Variants in PTPRD observed in about 807,000 individuals in gnomAD.
The protein encoded by PTPRD is receptor-type tyrosine-protein phosphatase delta.
In PTPRD, 34 loss-of-function variants were observed where a neutral mutation model predicts 214.5. The observed-to-expected ratio is 0.16, with a 90% CI of 0.12 to 0.21. The LOEUF is 0.21. Ranked by LOEUF, PTPRD falls within the 10% of genes least tolerant of loss-of-function variation. The probability of loss-of-function intolerance (pLI) is 1.00; values close to 1 mark genes in which losing one functional copy is unlikely to be tolerated. For missense variants in PTPRD, 2,545 were observed against 2,398.7 expected (o/e 1.06, Z -1.27); for synonymous variants, 1,128 against 845.7 (o/e 1.33, Z -5.79).
At chr9:10,338,227 G>C (rs2096877189) in intron 3 of PTPRD, among the ~76,000 whole-genome samples, 1 of 151,592 alleles carries the variant, frequency 6.6e-6, no homozygotes, top group Admixed American at 6.6e-5. Context: ...TTGGCTACCA[G>C]GAGTCATGTA....
intron 14 of PTPRD, among the ~76,000 whole-genome samples, chr9:8,585,075 G>T (rs950689217): frequency 1.2e-4 from 18 of 152,036 alleles, no homozygotes; most frequent in African/African-American, 3.9e-4. Flanking sequence ...GATTTGGAAG[G>T]GGACACAGCC....
At chr9:10,375,601 G>A (rs1414399661) in intron 2 of PTPRD, among the ~76,000 whole-genome samples, 2 of 152,072 alleles carry the variant, frequency 1.3e-5, no homozygotes, top group East Asian at 3.9e-4. Context: ...AAAAAGAATA[G>A]TTCAGTAATT....
chr9:10,512,494 G>T (rs148451248), intron 2 of PTPRD, among the ~76,000 whole-genome samples: 1 of 152,236 alleles, frequency 6.6e-6, no homozygotes, highest in African/African-American at 2.4e-5. Context: ...TGATCCATAA[G>T]TATGCGGTGG....
chr9:10,380,941 G>A (rs895346382), intron 2 of PTPRD, among the ~76,000 whole-genome samples: 1 of 151,798 alleles, frequency 6.6e-6, no homozygotes, highest in Non-Finnish European at 1.5e-5. Context: ...TTTTTCACAG[G>A]TATATTTCAC....
intron 8 of PTPRD, among the ~76,000 whole-genome samples, chr9:9,470,927 G>C (rs558829486): frequency 6.6e-6 from 1 of 152,238 alleles, no homozygotes; most frequent in African/African-American, 2.4e-5. Context: ...TGATTGGTGG[G>C]ATGGAAACTT....
At chr9:8,801,021 T>C (rs1231718382) in intron 11 of PTPRD, among the ~76,000 whole-genome samples, 1 of 152,216 alleles carries the variant, frequency 6.6e-6, no homozygotes, top group African/African-American at 2.4e-5. Flanking sequence ...CTTAGTTTCT[T>C]CATCTGCAAA....
chr9:10,288,181 G>T (rs1169840554), intron 3 of PTPRD, among the ~76,000 whole-genome samples: 1 of 124,758 alleles, frequency 8.0e-6, no homozygotes, highest in South Asian at 3.1e-4. Context: ...GTGAGGGTGG[G>T]GATGGTGGTT....
At chr9:10,373,485 T>C (rs1423855684) in intron 2 of PTPRD, among the ~76,000 whole-genome samples, 2 of 152,112 alleles carry the variant, frequency 1.3e-5, no homozygotes, top group Non-Finnish European at 2.9e-5. Context: ...AATTGAATCA[T>C]CACCTTGTGA....
intron 2 of PTPRD, among the ~76,000 whole-genome samples, chr9:10,360,170 G>C (rs1038339537): frequency 3.3e-5 from 5 of 152,174 alleles, no homozygotes; most frequent in Non-Finnish European, 7.3e-5. Flanking sequence ...TAAAACTAGA[G>C]GCTGGAAATT....
intron 31 of PTPRD, among the ~76,000 whole-genome samples, chr9:8,469,958 T>A (rs1311391668): frequency 1.3e-5 from 2 of 152,112 alleles, no homozygotes; most frequent in African/African-American, 2.4e-5. Context: ...ATAAGCATCA[T>A]CTCTCTGTAA....
At chr9:9,999,144 G>C (rs2096248000) in intron 4 of PTPRD, among the ~76,000 whole-genome samples, 1 of 152,182 alleles carries the variant, frequency 6.6e-6, no homozygotes. Flanking sequence ...TCTGGTATTA[G>C]TGAAAACTCT....
At chr9:8,674,592 C>A (rs1266391238) in intron 12 of PTPRD, among the ~76,000 whole-genome samples, 1 of 151,502 alleles carries the variant, frequency 6.6e-6, no homozygotes, top group Non-Finnish European at 1.5e-5. Context: ...CCTGGAAGAG[C>A]TCTAAGTAAG....
chr9:9,816,987 A>G (rs886893745), intron 5 of PTPRD, among the ~76,000 whole-genome samples: 3 of 152,080 alleles, frequency 2.0e-5, no homozygotes, highest in Non-Finnish European at 4.4e-5. Flanking sequence ...ATTATTTTAT[A>G]TACGTAACTA....
intron 4 of PTPRD, among the ~76,000 whole-genome samples, chr9:9,961,080 C>T (rs985390129): frequency 1.0e-4 from 9 of 87,168 alleles, no homozygotes; most frequent in African/African-American, 2.7e-4. Flanking sequence ...TCACTGGACA[C>T]CATATCTCCT....
At chr9:9,926,872 G>C (rs1024628894) in intron 5 of PTPRD, among the ~76,000 whole-genome samples, 1 of 152,076 alleles carries the variant, frequency 6.6e-6, no homozygotes. Flanking sequence ...TCATAAATTG[G>C]AATTGTATTT....
chr9:8,473,985 T>C (rs1412707474), intron 30 of PTPRD, among the ~76,000 whole-genome samples: 1 of 152,184 alleles, frequency 6.6e-6, no homozygotes, highest in Non-Finnish European at 1.5e-5. Flanking sequence ...TCTGCAACTA[T>C]AGCTTTGTAA....
chr9:9,916,634 T>C (rs2080901462), intron 5 of PTPRD, among the ~76,000 whole-genome samples: 1 of 151,980 alleles, frequency 6.6e-6, no homozygotes, highest in South Asian at 2.1e-4. Flanking sequence ...AAAGATGTTC[T>C]GTGCAAACAG....
chr9:8,552,524 A>C (rs766113127), intron 14 of PTPRD, among the ~76,000 whole-genome samples: 24 of 152,254 alleles, frequency 1.6e-4, no homozygotes, highest in African/African-American at 2.4e-4. Flanking sequence ...GAGGATGAAG[A>C]AGCAGCCCTG....
intron 2 of PTPRD, among the ~76,000 whole-genome samples, chr9:10,584,205 A>G (rs1198970501): frequency 6.6e-6 from 1 of 152,032 alleles, no homozygotes; most frequent in South Asian, 2.1e-4. Flanking sequence ...GAAAGAAAAA[A>G]AAAGAAAGGC....
Sources: allele counts gnomAD v4.1 joint callset (sites outside exome capture counted in the v4.1 genomes callset), GRCh38; gene constraint gnomAD v4.1.1; transcripts MANE v1.5; gene names NCBI Gene and HGNC (gene_info 2026-07-23, HGNC 2026-07-21).